The following TTLL5 variants were observed in gnomAD, a reference collection of about 807,000 sequenced individuals.
TTLL5 encodes the protein tubulin polyglutamylase TTLL5.
A neutral mutation model predicts 168.4 loss-of-function variants in TTLL5; 132 were observed. That is an observed-to-expected ratio of 0.78 (90% confidence interval 0.68 to 0.91). The LOEUF (loss-of-function observed/expected upper bound fraction) is 0.91, where lower values mean the gene tolerates loss of function less well. TTLL5 is among the 40% of genes least tolerant of loss of function. TTLL5 has a pLI of 0.00. For synonymous variants in TTLL5, 546 were observed against 558.6 expected, an observed-to-expected ratio of 0.98 and a Z score of 0.32; for missense variants, 1,545 against 1,581.5, an observed-to-expected ratio of 0.98 and a Z score of 0.39.
At position 75,745,536 on chromosome 14, in the gene TTLL5, GATTTATTCGCAT is replaced by G. The variant is rs760357161; in HGVS notation, c.1447_1458del (p.Ile483_Phe486del). The G allele has an allele frequency of 1.2e-6, 2 of 1,613,692 alleles. No homozygotes were observed. The highest frequency in any genetic ancestry group is 1.7e-6 in the Non-Finnish European group (2 of 1,179,944). ...AAGGAGGAGAATGATCGGCGAGGTG[GATTTATTCGCAT>G]ATTTCCTACATCTGAGACATGGGAA... On this transcript the variant is annotated inframe_deletion, in exon 17 of 32. Coordinates refer to ENST00000298832, the MANE Select transcript of TTLL5 (RefSeq NM_015072.5).
chr14:75,803,649 A>C (rs8016465), intron 27 of TTLL5, among the ~76,000 whole-genome samples: 1 of 152,010 alleles, frequency 6.6e-6, no homozygotes, highest in African/African-American at 2.4e-5. Flanking sequence ...TTGGAAATCT[A>C]TGTGTATGTC....
chr14:75,874,933 C>CTTTTTTTTTTTTTTTTTTTTTTTT lies in TTLL5; in HGVS notation c.3523-7734_3523-7733insTTTTTTTTTTTTTTTTTTTTTTTT, dbSNP rs1555353208. Among the ~76,000 whole-genome samples the CTTTTTTTTTTTTTTTTTTTTTTTT allele has an allele frequency of 5.4e-4, 53 of 97,524 alleles. 10 individuals carry two copies. The highest frequency in any genetic ancestry group is 2.9e-3 in the East Asian group (7 of 2,432). 64.0% of individuals were successfully genotyped at this position (97,524 alleles called of 152,430 possible). A position where few individuals can be genotyped will look rare whatever the true frequency, so the allele number is the denominator to read the frequency against. Reference sequence around the variant, plus strand: ...AGAGAAAAAAAAAGACACTGGGGGCCTTTTTTTTTTTTTTTTTTGAGACGG... The same window carrying CTTTTTTTTTTTTTTTTTTTTTTTT: ...AGAGAAAAAAAAAGACACTGGGGGCCTTTTTTTTTTTTTTTTTTTTTTTTTTTTTTTTTTTTTTTTTTGAGACGG... On this transcript the variant is annotated intron_variant, in intron 29 of 31. Coordinates refer to ENST00000298832, the MANE Select transcript of TTLL5 (RefSeq NM_015072.5).
Position 75,704,657 on chromosome 14 carries a change from TGAAAG to T in TTLL5, c.586-2356_586-2352del, listed in dbSNP as rs140806945. ...TTGAAATGAGTTAACTGGGGATTGATGAAAGGAAACAGGCTTGAAGATATCAAAAA... is the reference window on the plus strand; with the variant it reads ...TTGAAATGAGTTAACTGGGGATTGATGAAACAGGCTTGAAGATATCAAAAA... On this transcript the variant is annotated intron_variant, in intron 7 of 31. Transcript: ENST00000298832. 8.9e-3 allele frequency among the ~76,000 whole-genome samples: 1,359 copies of T among 152,348 alleles called. 20 individuals are homozygous for T. Among genetic ancestry groups the T allele is most frequent in the African/African-American group, 0.031 (1,294 of 41,560 alleles).
intron 18 of TTLL5, among the ~76,000 whole-genome samples, chr14:75,759,758 C>T (rs1434941529): frequency 2.0e-5 from 3 of 152,098 alleles, no homozygotes; most frequent in African/African-American, 7.2e-5. Context: ...ATATTAATTA[C>T]AGGGGAAAAA....
intron 31 of TTLL5, 188 bp downstream of exon 31, chr14:75,902,412 G>A (rs896538079): frequency 1.4e-6 from 1 of 690,160 alleles, no homozygotes; most frequent in Non-Finnish European, 2.6e-6. Context: ...CCTAAAATAG[G>A]CATTTTCTGG....
At position 75,764,685 on chromosome 14, in the gene TTLL5, C is replaced by G. The variant is rs1378778170; in HGVS notation, c.1621C>G (p.Leu541Val). 6.2e-6 allele frequency: 10 copies of G among 1,614,048 alleles called. No individual in the cohort carries two copies. The Admixed American group carries it at 1.7e-4, about 27-fold the overall frequency. Residue 541 changes from leucine (L) to valine (V), a missense_variant, in exon 19 of 32, where the codon CTT becomes GTT. Coordinates refer to ENST00000298832, the MANE Select transcript of TTLL5 (RefSeq NM_015072.5). ...LNSKAKLHAALYERKLLSLEV... is the reference protein window; with the variant it reads ...LNSKAKLHAAVYERKLLSLEV... Reference sequence around the variant, plus strand: ...TTCAAAGGCCAAGCTGCATGCTGCACTTTACGAGAGGAAGCTCCTGTCTCT... The same window carrying G: ...TTCAAAGGCCAAGCTGCATGCTGCAGTTTACGAGAGGAAGCTCCTGTCTCT...
intron 18 of TTLL5, among the ~76,000 whole-genome samples, chr14:75,758,740 C>T (rs1238504706): frequency 6.6e-6 from 1 of 151,976 alleles, no homozygotes; most frequent in Admixed American, 6.5e-5. Context: ...ATATCAATAA[C>T]AATAGAAAAT....
intron 31 of TTLL5, among the ~76,000 whole-genome samples, chr14:75,906,297 G>T (rs2033144875): frequency 6.6e-6 from 1 of 152,156 alleles, no homozygotes; most frequent in African/African-American, 2.4e-5. Flanking sequence ...GGTGGATCTG[G>T]AGTACAGTCA....
intron 10 of TTLL5, 107 bp from the exon 11 acceptor site, chr14:75,719,628 T>A (rs932779843): frequency 4.1e-6 from 4 of 964,182 alleles, no homozygotes; most frequent in Non-Finnish European, 5.9e-6. Flanking sequence ...GCAAAGTGAA[T>A]TAAAAAAAAA....
chr14:75,933,410 C>G (rs2034338616), intron 31 of TTLL5, among the ~76,000 whole-genome samples: 1 of 152,192 alleles, frequency 6.6e-6, no homozygotes, highest in Admixed American at 6.5e-5. Flanking sequence ...CCGCAGTCAG[C>G]CGGATCATGC....
intron 28 of TTLL5, among the ~76,000 whole-genome samples, chr14:75,835,961 C>A (rs953968110): frequency 6.6e-6 from 1 of 152,152 alleles, no homozygotes; most frequent in African/African-American, 2.4e-5. Flanking sequence ...ATTAGTACTA[C>A]CACTATGGAG....
intron 27 of TTLL5, among the ~76,000 whole-genome samples, chr14:75,819,153 A>C (rs1894686585): frequency 6.6e-6 from 1 of 152,190 alleles, no homozygotes; most frequent in African/African-American, 2.4e-5. Flanking sequence ...TCTAATAAAT[A>C]TTGACTGCTA....
intron 6 of TTLL5, among the ~76,000 whole-genome samples, chr14:75,694,678 A>G (rs1242836904): frequency 6.6e-6 from 1 of 152,226 alleles, no homozygotes; most frequent in African/African-American, 2.4e-5. Flanking sequence ...GGACTGGCTG[A>G]AGCCATGGCA....
rs778509717 is a variant in TTLL5, at chr14:75,838,281, G to C, written c.3326+18120G>C. 3 of 151,462 alleles carry C rather than the reference G, an allele frequency of 2.0e-5. No homozygotes were observed. The East Asian group carries it at 5.9e-4, about 30-fold the overall frequency. 9.4% of individuals were successfully genotyped at this position (151,462 alleles called of 1,614,324 possible). On this transcript the variant is annotated intron_variant, in intron 28 of 31. Coordinates refer to ENST00000298832, the MANE Select transcript of TTLL5 (RefSeq NM_015072.5). Reference sequence around the variant, plus strand: ...AAGATCTTGGAGGTGGCGGCTGGGCGTGGTGGCTCACACCTGTAATCCCAG... The same window carrying C: ...AAGATCTTGGAGGTGGCGGCTGGGCCTGGTGGCTCACACCTGTAATCCCAG...
chr14:75,694,493 C>T (rs1594882771), intron 6 of TTLL5, among the ~76,000 whole-genome samples: 1 of 152,082 alleles, frequency 6.6e-6, no homozygotes, highest in Non-Finnish European at 1.5e-5. Context: ...TGCACCATGC[C>T]TAGCTAATTT....
intron 12 of TTLL5, among the ~76,000 whole-genome samples, chr14:75,723,494 GT>G (rs1887976279): frequency 6.6e-6 from 1 of 152,004 alleles, no homozygotes; most frequent in Non-Finnish European, 1.5e-5. Flanking sequence ...ATAAATAAAG[GT>G]TTATTTTTCT....
At chr14:75,800,997 A>G (rs192591384) in intron 27 of TTLL5, among the ~76,000 whole-genome samples, 132 of 152,180 alleles carry the variant, frequency 8.7e-4, no homozygotes, top group African/African-American at 3.0e-3. Flanking sequence ...TGGCGCTTTC[A>G]AGAGAGCATC....
intron 29 of TTLL5, among the ~76,000 whole-genome samples, chr14:75,874,748 A>G (rs901161840): frequency 6.6e-6 from 1 of 152,190 alleles, no homozygotes; most frequent in South Asian, 2.1e-4. Context: ...TATAGATAAC[A>G]TGATGTTTAT....
chr14:75,794,448 T>TA (rs5809728), intron 27 of TTLL5, among the ~76,000 whole-genome samples: 95,874 of 141,998 alleles, frequency 0.68, 32,908 homozygotes, highest in Admixed American at 0.76. Context: ...GTGATTGTAG[T>TA]AAAAAAAAAA....
Sources: allele counts gnomAD v4.1 joint callset (sites outside exome capture counted in the v4.1 genomes callset), GRCh38; gene constraint gnomAD v4.1.1; transcripts MANE v1.5; gene names NCBI Gene and HGNC (gene_info 2026-07-23, HGNC 2026-07-21).